NKAIN2: variants seen among roughly 807,000 people sequenced by gnomAD.
NKAIN2 encodes the protein sodium/potassium transporting ATPase interacting 2, also known as sodium/potassium-transporting ATPase subunit beta-1-interacting protein 2.
Under a neutral mutation model 32.6 loss-of-function variants are expected in NKAIN2, and 14 were observed. The observed-to-expected ratio is 0.43, with a 90% CI of 0.28 to 0.67. The LOEUF is 0.67. NKAIN2 is among the 30% of genes least tolerant of loss of function. The pLI is 0.17. For synonymous variants in NKAIN2, 80 were observed against 87.2 expected (o/e 0.92, Z 0.46); for missense variants, 198 against 258.3 (o/e 0.77, Z 1.60).
intron 1 of NKAIN2, among the ~76,000 whole-genome samples, chr6:123,985,125 G>A (rs973775272): frequency 5.3e-5 from 8 of 152,164 alleles, no homozygotes; most frequent in African/African-American, 1.9e-4. Context: ...CAGGCCAAGA[G>A]CGGTGGCTCA....
At chr6:124,116,137 C>T (rs1198217919) in intron 1 of NKAIN2, among the ~76,000 whole-genome samples, 4 of 151,968 alleles carry the variant, frequency 2.6e-5, no homozygotes, top group Non-Finnish European at 2.9e-5. Flanking sequence ...TCAGATAAAA[C>T]GTTATTCTTC....
intron 1 of NKAIN2, among the ~76,000 whole-genome samples, chr6:124,134,831 G>A (rs772836428): frequency 6.6e-6 from 1 of 152,106 alleles, no homozygotes; most frequent in Non-Finnish European, 1.5e-5. Flanking sequence ...TATCACCTAG[G>A]CATATAGACA....
At chr6:123,891,189 GGTTGGGCAAATTGAGA>G (rs1404653219) in intron 1 of NKAIN2, among the ~76,000 whole-genome samples, 1 of 152,100 alleles carries the variant, frequency 6.6e-6, no homozygotes, top group African/African-American at 2.4e-5. Context: ...GAGACTGTGG[GGTTGGGCAAATTGAGA>G]GTTGTTTAAT....
Position 124,359,250 on chromosome 6 carries a change from A to G in NKAIN2, c.273+3903A>G, listed in dbSNP as rs1016103372. Among the ~76,000 whole-genome samples the G allele has an allele frequency of 6.1e-5, 9 of 147,930 alleles. 1 individual carries two copies. The South Asian group carries it at 1.3e-3, about 21-fold the overall frequency. On this transcript the variant is annotated intron_variant, in intron 3 of 6. Transcript: ENST00000368417. ...CTTTTGGCTTAGGATTGACTTGGCA[A>G]TGTGGGCTCTTTTTTGTTCCATATG...
chr6:124,354,735 T>A lies in NKAIN2; in HGVS notation c.193-532T>A, dbSNP rs1798887933. On this transcript the variant is annotated intron_variant, in intron 2 of 6. Coordinates refer to ENST00000368417, the MANE Select transcript of NKAIN2 (RefSeq NM_001040214.3). ...TTTTTTAGATGTCTAGAAACTATAATTATTCACTTTTAAAACAATAATGTG... is the reference window on the plus strand; with the variant it reads ...TTTTTTAGATGTCTAGAAACTATAAATATTCACTTTTAAAACAATAATGTG... Among the ~76,000 whole-genome samples, 4 of 152,088 alleles carry A rather than the reference T, an allele frequency of 2.6e-5. No individual in the cohort carries two copies. The South Asian group carries it at 8.3e-4, about 32-fold the overall frequency.
Position 124,052,777 on chromosome 6 carries a change from A to T in NKAIN2, c.55-230228A>T, listed in dbSNP as rs571770472. Among the ~76,000 whole-genome samples, 5 of 152,214 alleles carry T rather than the reference A, an allele frequency of 3.3e-5. No homozygotes were observed. In the East Asian group the frequency reaches 7.7e-4, roughly 24 times the overall value. On this transcript the variant is annotated intron_variant, in intron 1 of 6. Transcript: ENST00000368417. ...GAGGTCATTTTCAGTTAGCATCTGG[A>T]TGAAGAAAGTCAGGGGACAAAAAGT...
At position 123,993,552 on chromosome 6, in the gene NKAIN2, C is replaced by T. The variant is rs999602361; in HGVS notation, c.54+189298C>T. Among the ~76,000 whole-genome samples the T allele has an allele frequency of 4.6e-5, 7 of 152,074 alleles. 1 individual carries two copies. The highest frequency in any genetic ancestry group is 7.4e-5 in the Non-Finnish European group (5 of 68,020). ...CTTCTTTACCATCTTTGAAATAAAA[C>T]ATTTAAAGGTTGACTCTGGCTGTGT... is the stretch of plus-strand genomic sequence containing the variant. On this transcript the variant is annotated intron_variant, in intron 1 of 6. Coordinates refer to ENST00000368417, the MANE Select transcript of NKAIN2 (RefSeq NM_001040214.3).
chr6:124,102,532 C>T (rs1326917659), intron 1 of NKAIN2, among the ~76,000 whole-genome samples: 3 of 152,130 alleles, frequency 2.0e-5, no homozygotes. Context: ...GTTGCGATAA[C>T]AGTACAAGGC....
At chr6:124,666,984 T>C (rs771724801) in intron 4 of NKAIN2, among the ~76,000 whole-genome samples, 4 of 152,156 alleles carry the variant, frequency 2.6e-5, no homozygotes, top group Non-Finnish European at 4.4e-5. Flanking sequence ...GAGAATACTA[T>C]TAGCTTTTCA....
chr6:124,517,107 A>G (rs150610587), intron 3 of NKAIN2, among the ~76,000 whole-genome samples: 6 of 152,258 alleles, frequency 3.9e-5, no homozygotes, highest in African/African-American at 1.2e-4. Flanking sequence ...AGATTTTCAC[A>G]TTATATTTTC....
intron 1 of NKAIN2, among the ~76,000 whole-genome samples, chr6:123,809,295 A>G (rs115530399): frequency 0.023 from 3,546 of 152,124 alleles, 122 homozygotes; most frequent in African/African-American, 0.073. Flanking sequence ...TATTATCAAT[A>G]TAATAAAATA....
chr6:124,612,939 G>A (rs1187529184), intron 3 of NKAIN2, among the ~76,000 whole-genome samples: 1 of 152,088 alleles, frequency 6.6e-6, no homozygotes, highest in Non-Finnish European at 1.5e-5. Context: ...AAATAAGATA[G>A]TCTTTTGGGA....
At chr6:124,779,077 A>G (rs1294327754) in intron 4 of NKAIN2, among the ~76,000 whole-genome samples, 1 of 151,946 alleles carries the variant, frequency 6.6e-6, no homozygotes, top group Non-Finnish European at 1.5e-5. Flanking sequence ...CTCTACTAAA[A>G]AATTATACAA....
intron 2 of NKAIN2, among the ~76,000 whole-genome samples, chr6:124,346,848 T>G (rs1351451687): frequency 6.6e-6 from 1 of 151,780 alleles, no homozygotes; most frequent in Non-Finnish European, 1.5e-5. Flanking sequence ...AAAGTTAATA[T>G]TGTTATGTGT....
intron 1 of NKAIN2, among the ~76,000 whole-genome samples, chr6:124,243,113 T>C (rs1473539520): frequency 6.6e-6 from 1 of 150,956 alleles, no homozygotes; most frequent in Non-Finnish European, 1.5e-5. Flanking sequence ...ATAAGAGATC[T>C]GTTGAGAAAG....
chr6:124,203,611 T>C (rs1790699299), intron 1 of NKAIN2, among the ~76,000 whole-genome samples: 1 of 151,804 alleles, frequency 6.6e-6, no homozygotes, highest in Admixed American at 6.6e-5. Context: ...TACAGGTGGT[T>C]GGAGTGGTTG....
intron 1 of NKAIN2, among the ~76,000 whole-genome samples, chr6:123,890,480 C>G (rs958483442): frequency 6.6e-6 from 1 of 151,864 alleles, no homozygotes; most frequent in Non-Finnish European, 1.5e-5. Flanking sequence ...GCATCACCAC[C>G]GAGAGCTGGT....
chr6:124,335,324 TAGAG>T (rs1019213798), intron 2 of NKAIN2, among the ~76,000 whole-genome samples: 1 of 152,006 alleles, frequency 6.6e-6, no homozygotes, highest in Non-Finnish European at 1.5e-5. Context: ...ATTTTATATA[TAGAG>T]AGAGATTGAT....
intron 3 of NKAIN2, among the ~76,000 whole-genome samples, chr6:124,506,594 A>G (rs531354308): frequency 6.6e-6 from 1 of 152,300 alleles, no homozygotes; most frequent in African/African-American, 2.4e-5. Context: ...TGTTTTTAGG[A>G]CAATTGCAAG....
Sources: gnomAD v4.1 joint callset for allele counts (sites outside exome capture counted in the v4.1 genomes callset) on GRCh38, gnomAD v4.1.1 for gene constraint, MANE v1.5 for transcripts, NCBI Gene and HGNC (gene_info 2026-07-23, HGNC 2026-07-21) for gene names.